The following NRXN3 variants were observed in gnomAD, a reference collection of about 807,000 sequenced individuals.
The protein encoded by NRXN3 is neurexin III.
NRXN3 carries 32 observed loss-of-function variants against 137.6 expected under a neutral mutation model. The observed-to-expected ratio is 0.23, with a 90% CI of 0.18 to 0.31. The LOEUF is 0.31. Ranked by LOEUF, NRXN3 falls within the 10% of genes least tolerant of loss-of-function variation. NRXN3 has a pLI of 1.00. For missense variants in NRXN3, 1,574 were observed against 2,062.5 expected (o/e 0.76, Z 4.59); for synonymous variants, 798 against 784.5 (o/e 1.02, Z -0.29).
chr14:78,596,678 G>A (rs570949457), intron 4 of NRXN3, among the ~76,000 whole-genome samples: 6 of 152,246 alleles, frequency 3.9e-5, no homozygotes, highest in East Asian at 1.9e-4. Flanking sequence ...GAGGTCATGC[G>A]GTAGAAAATG....
intron 16 of NRXN3, among the ~76,000 whole-genome samples, chr14:79,567,613 G>T (rs1053042969): frequency 6.6e-6 from 1 of 152,030 alleles, no homozygotes; most frequent in Non-Finnish European, 1.5e-5. Flanking sequence ...GTGTGTGACT[G>T]TTGGAACATC....
intron 19 of NRXN3, among the ~76,000 whole-genome samples, chr14:79,788,721 T>C (rs1010169112): frequency 6.6e-6 from 1 of 152,070 alleles, no homozygotes; most frequent in African/African-American, 2.4e-5. Context: ...AGCAATCAAG[T>C]AGAAGGGAAA....
intron 15 of NRXN3, among the ~76,000 whole-genome samples, chr14:79,417,602 A>T (rs879787400): frequency 3.3e-5 from 5 of 152,084 alleles, no homozygotes; most frequent in African/African-American, 4.8e-5. Context: ...CATAGCAGTA[A>T]TATCCTGGGG....
At chr14:79,066,996 A>G (rs111542126) in intron 15 of NRXN3, among the ~76,000 whole-genome samples, 4,303 of 152,048 alleles carry the variant, frequency 0.028, 204 homozygotes, top group African/African-American at 0.098. Flanking sequence ...AGAACTTCCA[A>G]TACTATGTTG....
chr14:78,898,928 T>C (rs2099186797), intron 10 of NRXN3, among the ~76,000 whole-genome samples: 1 of 151,942 alleles, frequency 6.6e-6, no homozygotes, highest in African/African-American at 2.4e-5. Context: ...AATAGGTTCA[T>C]AGTAGCCTCA....
At chr14:79,090,680 G>A (rs1214304358) in intron 15 of NRXN3, among the ~76,000 whole-genome samples, 1 of 152,042 alleles carries the variant, frequency 6.6e-6, no homozygotes, top group African/African-American at 2.4e-5. Flanking sequence ...CCAACTGTCA[G>A]CAGAAGAAAG....
chr14:79,798,974 G>A (rs1434608143), intron 19 of NRXN3, among the ~76,000 whole-genome samples: 1 of 152,146 alleles, frequency 6.6e-6, no homozygotes, highest in East Asian at 1.9e-4. Context: ...TAGGGAATTG[G>A]AAGGTAAATA....
rs1372677657 is a variant in NRXN3 at position 79,862,456 on chromosome 14, A to G, written c.*492A>G. Reference sequence around the variant, plus strand: ...AACAACAAAAAAAGAAAAAAGTTAAAAAAGAAAAAAACACCAAAAAACAAA... The same window carrying G: ...AACAACAAAAAAAGAAAAAAGTTAAGAAAGAAAAAAACACCAAAAAACAAA... On this transcript the variant is annotated 3_prime_UTR_variant, in exon 21 of 21. Coordinates refer to ENST00000335750, the MANE Select transcript of NRXN3 (RefSeq NM_001330195.2). 1 of 152,478 alleles carries G rather than the reference A, an allele frequency of 6.6e-6. No individual in the cohort carries two copies. The highest frequency in any genetic ancestry group is 1.5e-5 in the Non-Finnish European group (1 of 68,132). The allele number at this position is 152,478 out of a possible 1,614,324, so 9.4% of individuals were successfully genotyped here.
At chr14:78,732,307 C>T (rs1245867273) in intron 8 of NRXN3, among the ~76,000 whole-genome samples, 1 of 152,156 alleles carries the variant, frequency 6.6e-6, no homozygotes, top group Non-Finnish European at 1.5e-5. Flanking sequence ...TGCAAAGTCA[C>T]AAGCAAAGGC....
chr14:78,760,533 G>C (rs8020920), intron 8 of NRXN3, among the ~76,000 whole-genome samples: 7 of 147,134 alleles, frequency 4.8e-5, no homozygotes, highest in Non-Finnish European at 5.9e-5. Context: ...ATGATGAAGA[G>C]ATACCAATGA....
At chr14:79,199,939 A>C (rs1289051493) in intron 15 of NRXN3, 1 of 152,162 alleles carries the variant, frequency 6.6e-6, no homozygotes, top group African/African-American at 2.4e-5. Flanking sequence ...ATATTTTGAG[A>C]ACCACTGATG....
chr14:79,501,541 A>G (rs906759512), intron 16 of NRXN3, among the ~76,000 whole-genome samples: 1 of 152,186 alleles, frequency 6.6e-6, no homozygotes, highest in African/African-American at 2.4e-5. Context: ...TGGAAGGGCC[A>G]CTGGAAGTCC....
intron 6 of NRXN3, 52 bp downstream of exon 6, chr14:78,651,378 A>G: frequency 1.3e-6 from 2 of 1,565,198 alleles, no homozygotes; most frequent in Non-Finnish European, 1.8e-6. Context: ...TTCATTTATA[A>G]ACAAATGACA....
intron 15 of NRXN3, among the ~76,000 whole-genome samples, chr14:79,296,063 T>G (rs1031178089): frequency 6.6e-6 from 1 of 152,196 alleles, no homozygotes; most frequent in Non-Finnish European, 1.5e-5. Flanking sequence ...TTATTAAACA[T>G]GTAACATTGC....
intron 4 of NRXN3, among the ~76,000 whole-genome samples, chr14:78,367,122 A>G (rs1241499876): frequency 6.6e-6 from 1 of 152,156 alleles, no homozygotes; most frequent in Non-Finnish European, 1.5e-5. Context: ...ATGTGCTGGA[A>G]ACTTCTGTTC....
At chr14:78,731,428 C>G (rs2098514768) in intron 8 of NRXN3, among the ~76,000 whole-genome samples, 1 of 151,966 alleles carries the variant, frequency 6.6e-6, no homozygotes. Context: ...ATTAATTCAA[C>G]TTATTCTTTG....
At chr14:79,450,190 A>T (rs2153584437) in intron 15 of NRXN3, among the ~76,000 whole-genome samples, 1 of 152,124 alleles carries the variant, frequency 6.6e-6, no homozygotes, top group South Asian at 2.1e-4. Flanking sequence ...CAAATGATTG[A>T]ATTAACATTT....
At chr14:79,332,941 G>A (rs904632486) in intron 15 of NRXN3, among the ~76,000 whole-genome samples, 1 of 152,042 alleles carries the variant, frequency 6.6e-6, no homozygotes, top group Non-Finnish European at 1.5e-5. Context: ...GTTCTCTAAC[G>A]TTGTATCCCA....
At chr14:79,735,053 T>A (rs557071802) in intron 19 of NRXN3, among the ~76,000 whole-genome samples, 116 of 152,294 alleles carry the variant, frequency 7.6e-4, no homozygotes, top group African/African-American at 2.7e-3. Context: ...GGGAATGTAA[T>A]GAATTCACTC....
Sources: allele counts gnomAD v4.1 joint callset (sites outside exome capture counted in the v4.1 genomes callset), GRCh38; gene constraint gnomAD v4.1.1; transcripts MANE v1.5; gene names NCBI Gene and HGNC (gene_info 2026-07-23, HGNC 2026-07-21).